The following KIAA1217 variants were observed in gnomAD, a reference collection of about 807,000 sequenced individuals.
KIAA1217 encodes sickle tail protein homolog.
Under a neutral mutation model 163.9 loss-of-function variants are expected in KIAA1217, and 88 were observed. That is an observed-to-expected ratio of 0.54 (90% CI 0.45 to 0.64). The LOEUF (loss-of-function observed/expected upper bound fraction) is 0.64, where lower values mean the gene tolerates loss of function less well. Ranked by LOEUF, KIAA1217 falls within the 30% of genes least tolerant of loss-of-function variation. The pLI is 0.00. For missense variants in KIAA1217, 2,372 were observed against 2,475.0 expected (o/e 0.96, Z 0.88); for synonymous variants, 903 against 923.1 (o/e 0.98, Z 0.39).
intron 2 of KIAA1217, among the ~76,000 whole-genome samples, chr10:24,335,919 G>A (rs2133692851): frequency 6.6e-6 from 1 of 152,356 alleles, no homozygotes; most frequent in South Asian, 2.1e-4. Flanking sequence ...GTTGAATTGT[G>A]CACTTGAAAT....
intron 1 of KIAA1217, among the ~76,000 whole-genome samples, chr10:23,999,621 G>A (rs1846651921): frequency 6.6e-6 from 1 of 152,198 alleles, no homozygotes; most frequent in South Asian, 2.1e-4. Flanking sequence ...TAGATTAAGG[G>A]ATGAGGGGGT....
chr10:23,880,967 A>G (rs1589005505), intron 1 of KIAA1217, among the ~76,000 whole-genome samples: 1 of 151,946 alleles, frequency 6.6e-6, no homozygotes, highest in African/African-American at 2.4e-5. Context: ...AATACAATGT[A>G]GGAAGAGTGA....
At chr10:23,910,116 A>G (rs1172821489) in intron 1 of KIAA1217, among the ~76,000 whole-genome samples, 2 of 151,492 alleles carry the variant, frequency 1.3e-5, no homozygotes, top group East Asian at 4.0e-4. Flanking sequence ...ACGTGGACAC[A>G]GGGAGGGGAA....
chr10:24,480,183 C>A (rs1283828061), intron 6 of KIAA1217, among the ~76,000 whole-genome samples: 2 of 152,174 alleles, frequency 1.3e-5, no homozygotes, highest in East Asian at 3.9e-4. Context: ...GGGCAAAATG[C>A]CCCAGCTTAG....
intron 2 of KIAA1217, among the ~76,000 whole-genome samples, chr10:24,175,005 C>T (rs1467334422): frequency 1.4e-5 from 2 of 146,116 alleles, no homozygotes; most frequent in Non-Finnish European, 1.5e-5. Flanking sequence ...TACAGGTGTG[C>T]ACCACCATGC....
rs74194050 is a variant in KIAA1217 at position 24,251,427 on chromosome 10, A to G, written c.354+31518A>G. Among the ~76,000 whole-genome samples the G allele has an allele frequency of 2.5e-3, 367 of 148,270 alleles. 11 individuals are homozygous for G. The East Asian group carries it at 0.068, about 27-fold the overall frequency. On this transcript the variant is annotated intron_variant, in intron 2 of 20. Transcript: ENST00000376454. ...AAAAAAAAAAAAAAAAAAAAACAAGAAAAAAAAAGAAAGAAAAAAACAGAT... is the reference window on the plus strand; with the variant it reads ...AAAAAAAAAAAAAAAAAAAAACAAGGAAAAAAAAGAAAGAAAAAAACAGAT...
At chr10:24,178,806 A>G (rs889280598) in intron 2 of KIAA1217, among the ~76,000 whole-genome samples, 3 of 152,124 alleles carry the variant, frequency 2.0e-5, no homozygotes, top group Non-Finnish European at 2.9e-5. Flanking sequence ...ATTTTTTGCA[A>G]CATACAGGAA....
chr10:24,433,207 T>A lies in KIAA1217; in HGVS notation c.752+14T>A. On this transcript the variant is annotated intron_variant, in intron 4 of 20. Coordinates refer to ENST00000376454, the MANE Select transcript of KIAA1217 (RefSeq NM_019590.5). ...AAATGATGTAAGGTAAGTTGTGACA[T>A]CATTTTTTGCCTGCCATTTTGCCTT... 6 of 1,596,206 alleles carry A rather than the reference T, an allele frequency of 3.8e-6. No individual in the cohort carries two copies. The highest frequency in any genetic ancestry group is 1.7e-5 in the Admixed American group (1 of 58,802).
At chr10:24,202,082 G>A (rs897368881) in intron 2 of KIAA1217, among the ~76,000 whole-genome samples, 4 of 152,304 alleles carry the variant, frequency 2.6e-5, no homozygotes, top group African/African-American at 9.6e-5. Context: ...GCCTCCCGGG[G>A]GTGACATGGA....
intron 2 of KIAA1217, among the ~76,000 whole-genome samples, chr10:24,288,183 A>C (rs774420357): frequency 6.6e-6 from 1 of 152,074 alleles, no homozygotes; most frequent in African/African-American, 2.4e-5. Context: ...TGTTTATTTG[A>C]AAGTTGTTGT....
chr10:24,457,364 ATGTG>A (rs1232265710), intron 5 of KIAA1217, among the ~76,000 whole-genome samples: 1 of 128,976 alleles, frequency 7.8e-6, no homozygotes, highest in African/African-American at 2.7e-5. Flanking sequence ...GTGTGTGTGT[ATGTG>A]TGTGTGGGTG....
At chr10:23,905,220 G>A (rs1284039996) in intron 1 of KIAA1217, among the ~76,000 whole-genome samples, 6 of 150,842 alleles carry the variant, frequency 4.0e-5, no homozygotes, top group Non-Finnish European at 1.5e-5. Flanking sequence ...GAGTTCTTGG[G>A]TGCAGTGGGG....
intron 1 of KIAA1217, among the ~76,000 whole-genome samples, chr10:23,774,545 A>C (rs184554131): frequency 6.6e-6 from 1 of 152,280 alleles, no homozygotes; most frequent in East Asian, 1.9e-4. Context: ...GACCTCCTCT[A>C]CTGGCAGTTC....
At chr10:24,361,761 G>C (rs1056232347) in intron 2 of KIAA1217, among the ~76,000 whole-genome samples, 6 of 152,036 alleles carry the variant, frequency 3.9e-5, no homozygotes, top group African/African-American at 1.4e-4. Context: ...AGATCACGAG[G>C]TCAGGAGATC....
chr10:23,840,760 A>G (rs1838735803), intron 1 of KIAA1217, among the ~76,000 whole-genome samples: 1 of 152,218 alleles, frequency 6.6e-6, no homozygotes, highest in South Asian at 2.1e-4. Context: ...CTAAGTCTTT[A>G]CAGGTCACCT....
chr10:24,111,855 C>T (rs371743937), intron 2 of KIAA1217, among the ~76,000 whole-genome samples: 1 of 152,182 alleles, frequency 6.6e-6, no homozygotes, highest in African/African-American at 2.4e-5. Flanking sequence ...GCAGCCTCGA[C>T]CTCCTGGACT....
intron 2 of KIAA1217, among the ~76,000 whole-genome samples, chr10:24,078,111 G>A (rs1296239541): frequency 6.6e-6 from 1 of 152,144 alleles, no homozygotes; most frequent in African/African-American, 2.4e-5. Context: ...TGGGTAGATT[G>A]CAAACATTTT....
At chr10:23,990,338 C>T (rs932446775) in intron 1 of KIAA1217, among the ~76,000 whole-genome samples, 2 of 152,150 alleles carry the variant, frequency 1.3e-5, no homozygotes, top group Non-Finnish European at 2.9e-5. Context: ...TTTGTCAGTT[C>T]TGCTTAAATC....
intron 1 of KIAA1217, among the ~76,000 whole-genome samples, chr10:23,891,643 G>A (rs140059572): frequency 5.1e-4 from 78 of 152,034 alleles, no homozygotes; most frequent in East Asian, 7.8e-4. Flanking sequence ...CAATTACAGC[G>A]TTGTACTTTT....
Sources: allele counts gnomAD v4.1 joint callset (sites outside exome capture counted in the v4.1 genomes callset), GRCh38; gene constraint gnomAD v4.1.1; transcripts MANE v1.5; gene names NCBI Gene and HGNC (gene_info 2026-07-23, HGNC 2026-07-21).